OXR1: variants seen among roughly 807,000 people sequenced by gnomAD.
OXR1 encodes the protein oxidation resistance 1.
A neutral mutation model predicts 104.6 loss-of-function variants in OXR1; 41 were observed. The observed-to-expected ratio is 0.39, with a 90% CI of 0.31 to 0.51. OXR1 has a LOEUF of 0.51. Among genes scored for constraint, OXR1 ranks in the 20% least tolerant of loss-of-function variants. The pLI, the probability that OXR1 is intolerant of heterozygous loss-of-function variation, is 0.77. For synonymous variants in OXR1, 348 were observed against 348.4 expected (o/e 1.00, Z 0.01); for missense variants, 955 against 1,031.9 (o/e 0.93, Z 1.02).
chr8:106,322,505 T>TA (rs1219538574), intron 1 of OXR1, among the ~76,000 whole-genome samples: 3 of 152,146 alleles, frequency 2.0e-5, no homozygotes, highest in Non-Finnish European at 4.4e-5. Context: ...CTGCCACTTC[T>TA]ATCCAACACA....
intron 2 of OXR1, among the ~76,000 whole-genome samples, chr8:106,369,181 C>T (rs1041311701): frequency 2.0e-5 from 3 of 151,982 alleles, no homozygotes; most frequent in African/African-American, 7.2e-5. Flanking sequence ...CATATGTTTG[C>T]TGCATAAATG....
intron 1 of OXR1, among the ~76,000 whole-genome samples, chr8:106,355,119 A>G (rs1051239261): frequency 2.6e-5 from 4 of 152,128 alleles, no homozygotes; most frequent in Non-Finnish European, 5.9e-5. Flanking sequence ...AGCTTATATC[A>G]TAGCTGGGCA....
intron 2 of OXR1, among the ~76,000 whole-genome samples, chr8:106,408,665 T>G (rs572184571): frequency 1.3e-5 from 2 of 152,290 alleles, no homozygotes; most frequent in East Asian, 3.9e-4. Flanking sequence ...ATACATTCTT[T>G]CAATTGTTGC....
chr8:106,723,310 T>G (rs1316580275), intron 11 of OXR1, among the ~76,000 whole-genome samples: 2 of 151,892 alleles, frequency 1.3e-5, no homozygotes, highest in Non-Finnish European at 2.9e-5. Flanking sequence ...GCTAACACGG[T>G]GAAACCCCGT....
intron 11 of OXR1, among the ~76,000 whole-genome samples, chr8:106,731,272 C>G (rs1833868862): frequency 6.6e-6 from 1 of 152,158 alleles, no homozygotes; most frequent in South Asian, 2.1e-4. Context: ...AGACCATTGT[C>G]TCCTTCCTTC....
chr8:106,346,792 C>A (rs1449973692), intron 1 of OXR1, among the ~76,000 whole-genome samples: 1 of 152,148 alleles, frequency 6.6e-6, no homozygotes, highest in Non-Finnish European at 1.5e-5. Context: ...GTAATCCCAG[C>A]ACTTTGGGAG....
At chr8:106,637,391 T>A (rs1417419641) in intron 3 of OXR1, among the ~76,000 whole-genome samples, 1 of 152,146 alleles carries the variant, frequency 6.6e-6, no homozygotes, top group Non-Finnish European at 1.5e-5. Flanking sequence ...CATTTAAGGA[T>A]CATTTTCCCC....
At chr8:106,656,441 T>C (rs549808162) in intron 3 of OXR1, 1 of 152,370 alleles carries the variant, frequency 6.6e-6, no homozygotes, top group East Asian at 1.9e-4. Context: ...GCGGCCTCTA[T>C]GCTATGAATT....
intron 2 of OXR1, among the ~76,000 whole-genome samples, chr8:106,369,083 T>C (rs1257959696): frequency 6.6e-6 from 1 of 152,230 alleles, no homozygotes. Context: ...GACTTTTTAA[T>C]AATCACCATT....
intron 1 of OXR1, among the ~76,000 whole-genome samples, chr8:106,327,185 T>C (rs1295080829): frequency 6.6e-6 from 1 of 152,192 alleles, no homozygotes; most frequent in African/African-American, 2.4e-5. Flanking sequence ...TTTTCTATAT[T>C]TTTATTTGAC....
chr8:106,446,346 G>T (rs1162751106), intron 2 of OXR1, among the ~76,000 whole-genome samples: 1 of 152,170 alleles, frequency 6.6e-6, no homozygotes. Flanking sequence ...GAGGCCGGGT[G>T]CCGTGGCTCA....
chr8:106,689,826 C>A (rs184958739), intron 6 of OXR1, among the ~76,000 whole-genome samples: 26 of 151,554 alleles, frequency 1.7e-4, no homozygotes, highest in Non-Finnish European at 1.3e-4. Flanking sequence ...TGCCTGTATA[C>A]CTGAAAATAG....
chr8:106,671,988 AT>A (rs1827043140), intron 3 of OXR1, among the ~76,000 whole-genome samples: 1 of 144,722 alleles, frequency 6.9e-6, no homozygotes, highest in Non-Finnish European at 1.5e-5. Flanking sequence ...AATAATAATA[AT>A]AATAATAATA....
chr8:106,671,143 A>G, intron 3 of OXR1, among the ~76,000 whole-genome samples: 1 of 148,104 alleles, frequency 6.8e-6, no homozygotes, highest in Non-Finnish European at 1.5e-5. Context: ...TGGAAACCAC[A>G]CCAAAGGCAA....
chr8:106,273,268 A>G (rs1811893053), intron 1 of OXR1, among the ~76,000 whole-genome samples: 1 of 152,128 alleles, frequency 6.6e-6, no homozygotes, highest in Non-Finnish European at 1.5e-5. Context: ...AAGAAGAAGA[A>G]GAAAGTAAAG....
intron 2 of OXR1, among the ~76,000 whole-genome samples, chr8:106,512,290 A>G (rs1351184700): frequency 6.6e-6 from 1 of 152,136 alleles, no homozygotes; most frequent in Non-Finnish European, 1.5e-5. Flanking sequence ...GTTATTCTCA[A>G]TGTACACAGT....
intron 1 of OXR1, among the ~76,000 whole-genome samples, chr8:106,334,888 A>C (rs1814892479): frequency 6.6e-6 from 1 of 152,158 alleles, no homozygotes. Flanking sequence ...ACTGCTAATA[A>C]ATCCTTCAGT....
intron 1 of OXR1, among the ~76,000 whole-genome samples, chr8:106,345,952 T>G (rs747452467): frequency 2.6e-5 from 4 of 152,156 alleles, no homozygotes; most frequent in Non-Finnish European, 4.4e-5. Context: ...ATGAAAAAAT[T>G]TGATCATTCG....
At chr8:106,508,057 C>T (rs914480497) in intron 2 of OXR1, among the ~76,000 whole-genome samples, 2 of 152,160 alleles carry the variant, frequency 1.3e-5, no homozygotes, top group Non-Finnish European at 2.9e-5. Context: ...CACCAGGACA[C>T]TGCTTCTCCA....
Sources: allele counts gnomAD v4.1 joint callset (sites outside exome capture counted in the v4.1 genomes callset), GRCh38; gene constraint gnomAD v4.1.1; transcripts MANE v1.5; gene names NCBI Gene and HGNC (gene_info 2026-07-23, HGNC 2026-07-21).